The following ARMC9 variants were observed in gnomAD, a reference collection of about 807,000 sequenced individuals.
The protein encoded by ARMC9 is armadillo repeat containing 9.
A neutral mutation model predicts 107.0 loss-of-function variants in ARMC9; 94 were observed. The observed-to-expected ratio is 0.88, with a 90% CI of 0.74 to 1.04. The LOEUF (loss-of-function observed/expected upper bound fraction) is 1.04. ARMC9 is among the 50% of genes least tolerant of loss of function. The pLI is 0.00. For synonymous variants in ARMC9, 380 were observed against 396.9 expected (o/e 0.96, Z 0.51); for missense variants, 942 against 1,030.1 (o/e 0.91, Z 1.17).
At position 231,373,908 on chromosome 2, in the gene ARMC9, A is replaced by G. The variant is rs2046116875; in HGVS notation, c.*2373A>G. 1 of 152,154 alleles carries G rather than the reference A, an allele frequency of 6.6e-6. No homozygotes were observed. The highest frequency in any genetic ancestry group is 1.5e-5 in the Non-Finnish European group (1 of 68,068). 9.4% of individuals were successfully genotyped at this position (152,154 alleles called of 1,614,324 possible). On this transcript the variant is annotated 3_prime_UTR_variant, in exon 25 of 25. Transcript: ENST00000611582. The surrounding 1 kb of genome is among the most constrained non-coding windows in gnomAD (Gnocchi z 4.4). ...CAGAGACTCCGTCAAAAAAAAAAAA[A>G]AAATACATTGAGATTACCAGGTGGG...
intron 19 of ARMC9, among the ~76,000 whole-genome samples, chr2:231,296,643 G>T (rs1053261001): frequency 6.6e-6 from 1 of 152,194 alleles, no homozygotes; most frequent in East Asian, 1.9e-4. Context: ...AGTCTCTGGC[G>T]TGAGGGGTCC....
At chr2:231,292,576 GC>G (rs2125475183) in intron 18 of ARMC9, among the ~76,000 whole-genome samples, 1 of 152,324 alleles carries the variant, frequency 6.6e-6, no homozygotes, top group Non-Finnish European at 1.5e-5. Context: ...AGGCCAGGAA[GC>G]CTGGGATGGG....
intron 18 of ARMC9, among the ~76,000 whole-genome samples, chr2:231,293,501 A>C (rs987930075): frequency 1.3e-5 from 2 of 152,198 alleles, no homozygotes; most frequent in African/African-American, 4.8e-5. Context: ...GCCAAGAAGC[A>C]GGGTGCAGGC....
intron 3 of ARMC9, 64 bp from the exon 4 acceptor site, chr2:231,214,767 G>A (rs1574614679): frequency 6.6e-7 from 1 of 1,521,860 alleles, no homozygotes; most frequent in East Asian, 2.3e-5. Flanking sequence ...GTGTTGAGTG[G>A]GTTGTGAGAA....
At chr2:231,292,407 C>T (rs1178157942) in intron 18 of ARMC9, among the ~76,000 whole-genome samples, 1 of 152,122 alleles carries the variant, frequency 6.6e-6, no homozygotes, top group Admixed American at 6.5e-5. Context: ...AAGCAAATGC[C>T]ACTGTAAGAA....
At chr2:231,335,429 A>T (rs896851924) in intron 20 of ARMC9, among the ~76,000 whole-genome samples, 14 of 152,184 alleles carry the variant, frequency 9.2e-5, no homozygotes, top group Admixed American at 7.8e-4. Context: ...AGCTATTCCC[A>T]GGATCCTGGA....
intron 7 of ARMC9, among the ~76,000 whole-genome samples, chr2:231,231,963 A>G (rs2035267497): frequency 6.6e-6 from 1 of 151,838 alleles, no homozygotes; most frequent in Non-Finnish European, 1.5e-5. Flanking sequence ...TGCTGGGATT[A>G]CAGGCGTGAG....
chr2:231,265,511 A>G (rs542544444), intron 12 of ARMC9, among the ~76,000 whole-genome samples: 3 of 152,294 alleles, frequency 2.0e-5, no homozygotes, highest in East Asian at 3.9e-4. Flanking sequence ...ATCAAATATC[A>G]TATGTTCTCA....
intron 18 of ARMC9, chr2:231,295,823 G>A (rs2041327039): frequency 6.4e-6 from 1 of 156,956 alleles, no homozygotes; most frequent in African/African-American, 2.4e-5. Flanking sequence ...CTGTAAAATG[G>A]GGGATAATAG....
intron 6 of ARMC9, 46 bp from the exon 7 acceptor site, chr2:231,226,728 A>G (rs2034677504): frequency 1.9e-6 from 3 of 1,602,188 alleles, no homozygotes; most frequent in East Asian, 4.5e-5. Context: ...TACCCCAAGT[A>G]CCGTTCCCTG....
At chr2:231,326,318 A>G (rs1463373286) in intron 19 of ARMC9, among the ~76,000 whole-genome samples, 1 of 152,248 alleles carries the variant, frequency 6.6e-6, no homozygotes, top group African/African-American at 2.4e-5. Flanking sequence ...GTTAAGATGT[A>G]AAGTGCTATG....
chr2:231,210,130 A>G (rs1209702986), intron 3 of ARMC9, among the ~76,000 whole-genome samples: 2 of 152,200 alleles, frequency 1.3e-5, no homozygotes, highest in East Asian at 1.9e-4. Flanking sequence ...GTGGCCTGGC[A>G]TGGGCGCTGT....
intron 15 of ARMC9, 74 bp from the exon 16 acceptor site, chr2:231,278,308 C>A: frequency 1.3e-6 from 2 of 1,482,332 alleles, no homozygotes. Context: ...AGATTTGTCT[C>A]CAAGTCTACC....
At chr2:231,235,047 G>A (rs2035583618) in intron 7 of ARMC9, among the ~76,000 whole-genome samples, 177 bp from the exon 8 acceptor site, 1 of 152,244 alleles carries the variant, frequency 6.6e-6, no homozygotes, top group South Asian at 2.1e-4. Flanking sequence ...TGGTTACAAA[G>A]CACTATGTAA....
intron 19 of ARMC9, among the ~76,000 whole-genome samples, chr2:231,321,873 C>T (rs1008422539): frequency 4.6e-5 from 7 of 152,322 alleles, no homozygotes; most frequent in African/African-American, 1.7e-4. Context: ...CAGGTCTTCT[C>T]TTATTGGGTG....
intron 5 of ARMC9, 70 bp downstream of exon 5, chr2:231,216,863 G>T: frequency 1.3e-6 from 2 of 1,500,116 alleles, no homozygotes; most frequent in Non-Finnish European, 1.8e-6. Flanking sequence ...TGTATGCTGG[G>T]GGCTTCTGAA....
At chr2:231,333,721 G>C (rs1163456655) in intron 20 of ARMC9, among the ~76,000 whole-genome samples, 1 of 152,208 alleles carries the variant, frequency 6.6e-6, no homozygotes, top group African/African-American at 2.4e-5. Context: ...GGCACGTGTT[G>C]ATACCTGTTG....
intron 19 of ARMC9, among the ~76,000 whole-genome samples, chr2:231,323,321 C>A (rs1320440549): frequency 6.6e-6 from 1 of 152,200 alleles, no homozygotes; most frequent in African/African-American, 2.4e-5. Context: ...AGTCCAGATA[C>A]ATCCTCAGAG....
intron 21 of ARMC9, among the ~76,000 whole-genome samples, chr2:231,353,854 C>T (rs1417379298): frequency 6.6e-6 from 1 of 151,988 alleles, no homozygotes; most frequent in Non-Finnish European, 1.5e-5. Flanking sequence ...GCATCAGAGC[C>T]CCCCAGGACA....
Sources: gnomAD v4.1 joint callset for allele counts (sites outside exome capture counted in the v4.1 genomes callset) on GRCh38, gnomAD v4.1.1 for gene constraint, Gnocchi (gnomAD v3.1) non-coding constraint, MANE v1.5 for transcripts, NCBI Gene and HGNC (gene_info 2026-07-23, HGNC 2026-07-21) for gene names.